The following PARG variants were observed in gnomAD, a reference collection of about 807,000 sequenced individuals.
PARG encodes the protein mitochondrial poly(ADP-ribose) glycohydrolase.
In PARG, 35 loss-of-function variants were observed where a neutral mutation model predicts 113.0. The ratio of observed to expected loss-of-function variants is 0.31; its 90% CI spans 0.24 to 0.41. PARG has a LOEUF of 0.41. Ranked by LOEUF, PARG falls within the 10% of genes least tolerant of loss-of-function variation. The pLI, the probability that PARG is intolerant of heterozygous loss-of-function variation, is 1.00. For missense variants in PARG, 797 were observed against 1,169.4 expected (o/e 0.68, Z 4.64); for synonymous variants, 330 against 409.9 (o/e 0.81, Z 2.36).
intron 7 of PARG, among the ~76,000 whole-genome samples, chr10:49,885,956 A>C (rs1181982921): frequency 6.6e-6 from 1 of 152,136 alleles, no homozygotes; most frequent in Non-Finnish European, 1.5e-5. Context: ...CTTTTAATCT[A>C]ATGTCTTTCT....
chr10:49,821,710 T>C (rs1554828691), intron 16 of PARG, among the ~76,000 whole-genome samples: 1 of 152,176 alleles, frequency 6.6e-6, no homozygotes, highest in East Asian at 1.9e-4. Flanking sequence ...GTTTTGATTT[T>C]TGACAGCATG....
intron 6 of PARG, among the ~76,000 whole-genome samples, chr10:49,919,103 G>A (rs1163212499): frequency 6.6e-6 from 1 of 151,988 alleles, no homozygotes; most frequent in Non-Finnish European, 1.5e-5. Context: ...ACCGTGCCCG[G>A]CTAATTTTTA....
chr10:49,839,335 CAAA>C (rs782231185), intron 15 of PARG, among the ~76,000 whole-genome samples: 1 of 112,368 alleles, frequency 8.9e-6, no homozygotes, highest in Non-Finnish European at 1.9e-5. Flanking sequence ...AATTCCGTCT[CAAA>C]AAAAAAAAAA....
intron 16 of PARG, among the ~76,000 whole-genome samples, chr10:49,831,799 T>C (rs939640591): frequency 6.6e-6 from 1 of 152,160 alleles, no homozygotes; most frequent in Non-Finnish European, 1.5e-5. Flanking sequence ...GACAGGACTT[T>C]TTTCTGAGTT....
At chr10:49,902,627 C>T (rs1481281262) in intron 7 of PARG, among the ~76,000 whole-genome samples, 8 of 152,124 alleles carry the variant, frequency 5.3e-5, no homozygotes, top group Non-Finnish European at 7.4e-5. Flanking sequence ...GAAAAATAAA[C>T]ACCAAGACAA....
chr10:49,930,099 A>C (rs1276817924), intron 4 of PARG, among the ~76,000 whole-genome samples: 1 of 152,270 alleles, frequency 6.6e-6, no homozygotes, highest in Non-Finnish European at 1.5e-5. Context: ...GAATGGTAGC[A>C]AGGGAACCTT....
chr10:49,925,322 C>G (rs1404032882), intron 4 of PARG, among the ~76,000 whole-genome samples: 2 of 152,120 alleles, frequency 1.3e-5, no homozygotes, highest in Admixed American at 6.5e-5. Context: ...AAACCTTGGT[C>G]TTTAGAAACC....
intron 15 of PARG, among the ~76,000 whole-genome samples, chr10:49,835,297 G>A (rs746380162): frequency 2.0e-5 from 3 of 152,032 alleles, no homozygotes; most frequent in African/African-American, 2.4e-5. Flanking sequence ...AGAAAGCTGC[G>A]AGAATAAAAG....
intron 6 of PARG, among the ~76,000 whole-genome samples, chr10:49,916,990 C>T (rs1554847810): frequency 6.6e-6 from 1 of 151,792 alleles, no homozygotes; most frequent in African/African-American, 2.4e-5. Flanking sequence ...TACTTCATGC[C>T]ATACTAAGTA....
chr10:49,904,038 C>A (rs1191160644), intron 7 of PARG, among the ~76,000 whole-genome samples: 10 of 151,650 alleles, frequency 6.6e-5, no homozygotes, highest in Non-Finnish European at 1.5e-4. Flanking sequence ...ACAAGTGTAA[C>A]AGAAATAGAG....
At chr10:49,898,143 G>T (rs1554843196) in intron 7 of PARG, among the ~76,000 whole-genome samples, 1 of 152,184 alleles carries the variant, frequency 6.6e-6, no homozygotes, top group East Asian at 1.9e-4. Flanking sequence ...ATTAACCACA[G>T]AAAAATCCCT....
chr10:49,832,614 G>A (rs2132400793), intron 16 of PARG, among the ~76,000 whole-genome samples, 189 bp downstream of exon 16: 1 of 152,246 alleles, frequency 6.6e-6, no homozygotes, highest in Middle Eastern at 3.4e-3. Flanking sequence ...AGCGACCTCT[G>A]AAGGAAAATG....
intron 12 of PARG, among the ~76,000 whole-genome samples, chr10:49,858,371 A>AC (rs1240968512): frequency 1.5e-5 from 2 of 137,068 alleles, no homozygotes; most frequent in African/African-American, 3.0e-5. Flanking sequence ...ACACACACAC[A>AC]ACTTGTGTAT....
chr10:49,833,805 C>G (rs1844784344), intron 15 of PARG, among the ~76,000 whole-genome samples: 1 of 152,126 alleles, frequency 6.6e-6, no homozygotes, highest in Non-Finnish European at 1.5e-5. Flanking sequence ...TCTCAAGTTC[C>G]AAACGAAGCC....
intron 16 of PARG, among the ~76,000 whole-genome samples, chr10:49,831,705 T>C (rs1365577609): frequency 6.6e-6 from 1 of 152,184 alleles, no homozygotes; most frequent in Non-Finnish European, 1.5e-5. Flanking sequence ...GCCCTGACAC[T>C]AAGGGGAAGG....
At chr10:49,841,892 T>C in intron 15 of PARG, 58 bp downstream of exon 15, 1 of 1,068,634 alleles carries the variant, frequency 9.4e-7, no homozygotes, top group Non-Finnish European at 1.4e-6. Context: ...TCAGCATTAA[T>C]AAAATGGCAG....
At chr10:49,903,342 CT>C (rs1285190303) in intron 7 of PARG, among the ~76,000 whole-genome samples, 1 of 152,116 alleles carries the variant, frequency 6.6e-6, no homozygotes, top group Non-Finnish European at 1.5e-5. Context: ...CCTTTTCTCT[CT>C]ACCAATCACC....
chr10:49,850,643 A>G (rs1416299251), intron 13 of PARG, among the ~76,000 whole-genome samples: 1 of 152,194 alleles, frequency 6.6e-6, no homozygotes, highest in Non-Finnish European at 1.5e-5. Context: ...CAAACTGCCT[A>G]TTCTGATCTG....
rs1379941637 is a variant in PARG, at chr10:49,936,756, A to G, written c.218-1614T>C. Among the ~76,000 whole-genome samples, 66 of 152,300 alleles carry G rather than the reference A, an allele frequency of 4.3e-4. No individual in the cohort carries two copies. In the East Asian group the frequency reaches 7.9e-3, roughly 18 times the overall value. On this transcript the variant is annotated intron_variant, in intron 1 of 17. Transcript: ENST00000616448. ...CTACCTCTCCTAAAACACCATATGG[A>G]GCAAAACAGATGCAGGCTCAAATAT...
Sources: gnomAD v4.1 joint callset for allele counts (sites outside exome capture counted in the v4.1 genomes callset) on GRCh38, gnomAD v4.1.1 for gene constraint, MANE v1.5 for transcripts, NCBI Gene and HGNC (gene_info 2026-07-23, HGNC 2026-07-21) for gene names.